Variants in MAEA observed in about 807,000 individuals in gnomAD.
The protein encoded by MAEA is macrophage erythroblast attacher, E3 ubiquitin ligase.
Under a neutral mutation model 46.2 loss-of-function variants are expected in MAEA, and 22 were observed. The observed-to-expected ratio is 0.48, with a 90% CI of 0.34 to 0.68. MAEA has a LOEUF of 0.68. MAEA is among the 30% of genes least tolerant of loss of function. The pLI is 0.01. For missense variants in MAEA, 393 were observed against 558.1 expected (o/e 0.70, Z 2.98); for synonymous variants, 246 against 222.6 (o/e 1.11, Z -0.94).
intron 4 of MAEA, among the ~76,000 whole-genome samples, chr4:1,325,700 T>C (rs911808009): frequency 6.6e-6 from 1 of 151,536 alleles, no homozygotes; most frequent in Non-Finnish European, 1.5e-5. Flanking sequence ...AGCCTCTATC[T>C]CTTCCCGCTG....
intron 3 of MAEA, among the ~76,000 whole-genome samples, chr4:1,317,491 G>A (rs1368766878): frequency 6.6e-6 from 1 of 151,824 alleles, no homozygotes; most frequent in Non-Finnish European, 1.5e-5. Context: ...TGCCCTGGGT[G>A]GAGCGGCACC....
intron 1 of MAEA, among the ~76,000 whole-genome samples, chr4:1,303,259 G>A (rs1047395440): frequency 2.4e-4 from 33 of 139,142 alleles, no homozygotes; most frequent in Admixed American, 2.0e-3. Context: ...AAAAAAAGCC[G>A]GTCATGGTGG....
chr4:1,290,525 T>C (rs1201709179), intron 1 of MAEA, among the ~76,000 whole-genome samples: 1 of 152,192 alleles, frequency 6.6e-6, no homozygotes, highest in Non-Finnish European at 1.5e-5. Flanking sequence ...TGACCTTGGG[T>C]GGTCACCTAG....
chr4:1,303,599 C>T (rs1347829345), intron 1 of MAEA, among the ~76,000 whole-genome samples: 2 of 151,980 alleles, frequency 1.3e-5, no homozygotes, highest in Non-Finnish European at 2.9e-5. Flanking sequence ...GTCCACATCA[C>T]GTGTGATTCC....
Position 1,311,855 on chromosome 4 carries a change from C to T in MAEA, c.70-124C>T, listed in dbSNP as rs150625980. 3,799 of 823,628 alleles carry T rather than the reference C, an allele frequency of 4.6e-3. 16 individuals are homozygous for T. Among genetic ancestry groups the T allele is most frequent in the Non-Finnish European group, 4.8e-3 (2,478 of 520,870 alleles). The allele number at this position is 823,628 out of a possible 1,614,324, so 51.0% of individuals were successfully genotyped here. ...AGGTTTAGAGTAGATACTTTTGAGA[C>T]CATGAACCTTCTGAGACTTCTGCCT... On this transcript the variant is annotated intron_variant, in intron 1 of 8. Coordinates refer to ENST00000303400, the MANE Select transcript of MAEA (RefSeq NM_001017405.3). The surrounding 1 kb of genome is among the most constrained non-coding windows in gnomAD (Gnocchi z 4.4).
At position 1,328,203 on chromosome 4, in the gene MAEA, C is replaced by T. The variant is rs547895238; in HGVS notation, c.656+500C>T. On this transcript the variant is annotated intron_variant, in intron 5 of 8. Transcript: ENST00000303400. Reference sequence around the variant, plus strand: ...CGGCCTGTCTCCGACCCAAGGGCGGCGTGCAGTGAGCTGAGGCCAGCGGCG... The same window carrying T: ...CGGCCTGTCTCCGACCCAAGGGCGGTGTGCAGTGAGCTGAGGCCAGCGGCG... Among the ~76,000 whole-genome samples the T allele has an allele frequency of 1.3e-3, 192 of 152,356 alleles. 1 individual carries two copies. The highest frequency in any genetic ancestry group is 4.4e-3 in the African/African-American group (182 of 41,578).
chr4:1,308,425 C>T (rs1013355883), intron 1 of MAEA, among the ~76,000 whole-genome samples: 1 of 152,212 alleles, frequency 6.6e-6, no homozygotes, highest in African/African-American at 2.4e-5. Flanking sequence ...GTGCAGATAC[C>T]TCCTGGGACC....
At chr4:1,295,579 G>A (rs1179923403) in intron 1 of MAEA, among the ~76,000 whole-genome samples, 2 of 150,968 alleles carry the variant, frequency 1.3e-5, no homozygotes, top group East Asian at 3.9e-4. Context: ...TGCCTGTCAC[G>A]CAGACCCTGC....
At chr4:1,337,267 T>G (rs1430485281) in intron 7 of MAEA, 1 of 482,728 alleles carries the variant, frequency 2.1e-6, no homozygotes, top group Non-Finnish European at 3.7e-6. Context: ...AAAGCCCGAT[T>G]TTGATGTGTT....
chr4:1,332,531 A>G (rs1191800678), intron 5 of MAEA: 1 of 396,830 alleles, frequency 2.5e-6, no homozygotes, highest in Non-Finnish European at 4.7e-6. Context: ...CCTGGGCAAC[A>G]CAGCGAGAAT....
intron 5 of MAEA, chr4:1,328,607 C>T (rs1354345973): frequency 1.1e-5 from 13 of 1,219,388 alleles, no homozygotes; most frequent in Middle Eastern, 2.3e-4. Flanking sequence ...CACAGAAACC[C>T]GACCGCGACT....
At chr4:1,314,426 A>G (rs1056710770) in intron 2 of MAEA, among the ~76,000 whole-genome samples, 1 of 152,232 alleles carries the variant, frequency 6.6e-6, no homozygotes, top group East Asian at 1.9e-4. Flanking sequence ...ACAGTTTAAC[A>G]GTTAACAGAC....
At chr4:1,335,703 G>C (rs1219430229) in intron 6 of MAEA, 1 of 985,188 alleles carries the variant, frequency 1.0e-6, no homozygotes. Flanking sequence ...AAACCACAGA[G>C]TTAAGTCAGC....
At chr4:1,306,667 T>C (rs569872157) in intron 1 of MAEA, among the ~76,000 whole-genome samples, 1 of 152,338 alleles carries the variant, frequency 6.6e-6, no homozygotes, top group Admixed American at 6.5e-5. Context: ...TTTCTTACAT[T>C]GTTTTCTGAA....
rs922197152 is a variant in MAEA, at chr4:1,316,091, G to A, written c.456+491G>A. 4.6e-5 allele frequency among the ~76,000 whole-genome samples: 7 copies of A among 152,038 alleles called. 1 individual carries two copies. In the South Asian group the frequency reaches 8.3e-4, roughly 18 times the overall value. Reference sequence around the variant, plus strand: ...CATCCTGCTTAGGATTTTCCCGCCCGATACCTGTACCCCGGGTTTTGCGCT... The same window carrying A: ...CATCCTGCTTAGGATTTTCCCGCCCAATACCTGTACCCCGGGTTTTGCGCT... On this transcript the variant is annotated intron_variant, in intron 3 of 8. Transcript: ENST00000303400.
chr4:1,316,139 C>T (rs1304189842), intron 3 of MAEA, among the ~76,000 whole-genome samples: 3 of 152,120 alleles, frequency 2.0e-5, no homozygotes, highest in Admixed American at 6.5e-5. Context: ...ATTGCTTCCT[C>T]GTGAGAGCTT....
intron 3 of MAEA, among the ~76,000 whole-genome samples, chr4:1,320,213 A>G (rs1459845947): frequency 6.7e-6 from 1 of 149,992 alleles, no homozygotes; most frequent in Non-Finnish European, 1.5e-5. Flanking sequence ...CGTGCAAGAA[A>G]ACACTATGAA....
chr4:1,329,362 G>GGC, intron 5 of MAEA: 1 of 985,466 alleles, frequency 1.0e-6, no homozygotes, highest in Non-Finnish European at 1.2e-6. Context: ...GGTAGAATCT[G>GGC]CCCTAGAGAC....
chr4:1,329,582 C>T (rs1739278405), intron 5 of MAEA: 1 of 985,456 alleles, frequency 1.0e-6, no homozygotes, highest in South Asian at 4.7e-5. Flanking sequence ...GTGTGAGCTA[C>T]ATCCTCTGCT....
Sources: allele counts gnomAD v4.1 joint callset (sites outside exome capture counted in the v4.1 genomes callset), GRCh38; gene constraint gnomAD v4.1.1; non-coding constraint Gnocchi (gnomAD v3.1); transcripts MANE v1.5; gene names NCBI Gene and HGNC (gene_info 2026-07-23, HGNC 2026-07-21).